Variants in MLIP observed in about 807,000 individuals in gnomAD.
MLIP encodes muscular LMNA interacting protein, also known as muscular LMNA-interacting protein.
MLIP carries 79 observed loss-of-function variants against 84.8 expected under a neutral mutation model. That is an observed-to-expected ratio of 0.93 (90% CI 0.78 to 1.12). MLIP has a LOEUF of 1.12. MLIP is among the 50% of genes most tolerant of loss of function. MLIP has a pLI of 0.00. For missense variants in MLIP, 1,257 were observed against 1,160.6 expected (o/e 1.08, Z -1.21); for synonymous variants, 504 against 463.0 (o/e 1.09, Z -1.14).
chr6:54,222,184 C>T (rs950092767), intron 11 of MLIP, among the ~76,000 whole-genome samples: 1 of 152,014 alleles, frequency 6.6e-6, no homozygotes, highest in Non-Finnish European at 1.5e-5. Context: ...TCACCTCATG[C>T]AATTAACATT....
intron 1 of MLIP, chr6:54,063,193 ACT>A (rs1469353426): frequency 1.3e-5 from 2 of 149,952 alleles, no homozygotes; most frequent in African/African-American, 5.0e-5. Context: ...CAAGAACAAA[ACT>A]CTGTCTCAGA....
At chr6:54,151,070 T>C (rs1219900029) in intron 5 of MLIP, among the ~76,000 whole-genome samples, 2 of 152,180 alleles carry the variant, frequency 1.3e-5, no homozygotes, top group Admixed American at 6.6e-5. Context: ...TGCATTATTG[T>C]ATAAGGGCTA....
At chr6:54,167,467 A>T (rs1184892313) in intron 8 of MLIP, among the ~76,000 whole-genome samples, 1 of 151,852 alleles carries the variant, frequency 6.6e-6, no homozygotes, top group Non-Finnish European at 1.5e-5. Context: ...AAAAATTTTC[A>T]GCTTAACCTT....
Position 54,066,960 on chromosome 6 carries a change from A to C in MLIP, c.63+47869A>C, listed in dbSNP as rs182299557. 2.0e-3 allele frequency among the ~76,000 whole-genome samples: 197 copies of C among 100,226 alleles called. 38 individuals carry two copies. The highest frequency in any genetic ancestry group is 4.4e-3 in the Admixed American group (48 of 10,820). The allele number at this position is 100,226 out of a possible 152,430, so 65.8% of individuals were successfully genotyped here. On this transcript the variant is annotated intron_variant, in intron 1 of 12. Transcript: ENST00000274897. ...AATTTAAACCAAAATATTCAACATGAGTGATATCCAGAGGAAAAAAAATCT... is the reference window on the plus strand; with the variant it reads ...AATTTAAACCAAAATATTCAACATGCGTGATATCCAGAGGAAAAAAAATCT...
At position 54,160,537 on chromosome 6, in the gene MLIP, A is replaced by G. The variant is rs949030539; in HGVS notation, c.2377A>G (p.Arg793Gly). 8.7e-6 allele frequency: 14 copies of G among 1,612,420 alleles called. No homozygotes were observed. In the East Asian group the frequency reaches 2.9e-4, roughly 33 times the overall value. The change falls in exon 7 of 14, where the codon AGG (arginine) becomes GGG (glycine). Residue 793 changes from arginine (R) to glycine (G), a missense_variant. Coordinates refer to ENST00000502396, the MANE Select transcript of MLIP (RefSeq NM_001281747.2). ...CCAGCTCTATTTTCCTGCACAGCTC[A>G]GGCAGCAAACTGAAGAGCTCTGTGC... ...PVELYFPAQL[R>G]QQTEELCATI...
chr6:54,158,700 G>A (rs1464622697), intron 5 of MLIP, among the ~76,000 whole-genome samples: 2 of 151,936 alleles, frequency 1.3e-5, no homozygotes, highest in Non-Finnish European at 2.9e-5. Flanking sequence ...GTATAAAGCT[G>A]AGCTCATAAA....
chr6:54,019,075 T>C (rs775590050), exon 1 of MLIP: 3 of 1,611,750 alleles, frequency 1.9e-6, no homozygotes, highest in Non-Finnish European at 2.5e-6. Flanking sequence ...AACAAGAATT[T>C]AGAGGAGAAA....
At position 54,167,178 on chromosome 6, in the gene MLIP, A is replaced by T. The variant is rs138765187; in HGVS notation, c.2500-2350A>T. Among the ~76,000 whole-genome samples the T allele has an allele frequency of 8.5e-3, 1,288 of 152,036 alleles. 19 individuals carry two copies. Among genetic ancestry groups the T allele is most frequent in the African/African-American group, 0.029 (1,201 of 41,538 alleles). The stretch of plus-strand genomic sequence containing the variant: ...ACATCAAACGCAGAAAACCTTTTAA[A>T]GCTTAGGTCAGATCATGACCCTCCT... On this transcript the variant is annotated intron_variant, in intron 8 of 13. Coordinates refer to ENST00000502396, the MANE Select transcript of MLIP (RefSeq NM_001281747.2).
intron 11 of MLIP, among the ~76,000 whole-genome samples, chr6:54,223,605 T>G (rs1396467066): frequency 6.6e-6 from 1 of 152,126 alleles, no homozygotes; most frequent in Non-Finnish European, 1.5e-5. Context: ...AGTGCCATAC[T>G]GTTTTGATTA....
chr6:54,261,306 G>T (rs1361320985), intron 13 of MLIP, among the ~76,000 whole-genome samples: 3 of 151,956 alleles, frequency 2.0e-5, no homozygotes, highest in African/African-American at 7.2e-5. Flanking sequence ...GCCCCTCTTT[G>T]TATTACCTGC....
intron 1 of MLIP, among the ~76,000 whole-genome samples, chr6:54,115,136 C>T (rs1031670871): frequency 6.6e-6 from 1 of 152,018 alleles, no homozygotes; most frequent in Non-Finnish European, 1.5e-5. Context: ...GAAAAGCCTT[C>T]TTGAGGCTCA....
intron 11 of MLIP, among the ~76,000 whole-genome samples, chr6:54,207,396 C>A (rs1779103167): frequency 6.7e-6 from 1 of 149,872 alleles, no homozygotes; most frequent in Non-Finnish European, 1.5e-5. Context: ...CACAGAATTT[C>A]CATCACCTCT....
intron 1 of MLIP, among the ~76,000 whole-genome samples, chr6:54,075,546 A>T (rs1483150879): frequency 3.3e-5 from 5 of 152,162 alleles, no homozygotes; most frequent in Non-Finnish European, 7.3e-5. Context: ...AGCACATGGC[A>T]TTTACTCCAT....
At chr6:54,070,117 T>C (rs1168907353) in intron 1 of MLIP, among the ~76,000 whole-genome samples, 1 of 152,222 alleles carries the variant, frequency 6.6e-6, no homozygotes, top group African/African-American at 2.4e-5. Flanking sequence ...TTGTTTGCTC[T>C]CTGTTGTGTT....
At chr6:54,169,428 A>C (rs556994129) in intron 8 of MLIP, 100 bp from the exon 9 acceptor site, 2 of 649,034 alleles carry the variant, frequency 3.1e-6, no homozygotes, top group East Asian at 6.4e-5. Context: ...CAATGTTTAG[A>C]AAGTCTCAAT....
rs117127927 is a variant in MLIP at position 54,162,698 on chromosome 6, G to A, written c.2499+1899G>A. ...CTCTGTTTTGAGGATAGACAACAGTGAAGGAAGAGCTGTATAGTGGCAGGC... is the reference window on the plus strand; with the variant it reads ...CTCTGTTTTGAGGATAGACAACAGTAAAGGAAGAGCTGTATAGTGGCAGGC... On this transcript the variant is annotated intron_variant, in intron 8 of 13. Transcript: ENST00000502396. Among the ~76,000 whole-genome samples, 296 of 152,102 alleles carry A rather than the reference G, an allele frequency of 1.9e-3. 3 individuals are homozygous for A. The highest frequency in any genetic ancestry group is 0.01 in the East Asian group (52 of 5,140).
intron 11 of MLIP, among the ~76,000 whole-genome samples, chr6:54,224,356 A>G (rs935624868): frequency 6.6e-6 from 1 of 152,118 alleles, no homozygotes; most frequent in African/African-American, 2.4e-5. Context: ...TAAATACTTT[A>G]TAGCAAAAAT....
At chr6:54,251,736 A>G (rs1468157295) in intron 12 of MLIP, among the ~76,000 whole-genome samples, 1 of 104,638 alleles carries the variant, frequency 9.6e-6, no homozygotes, top group African/African-American at 4.2e-5. Context: ...TATGATATAA[A>G]TATATATAAT....
chr6:54,263,424 T>C (rs1783507999), intron 13 of MLIP, among the ~76,000 whole-genome samples: 1 of 152,066 alleles, frequency 6.6e-6, no homozygotes, highest in South Asian at 2.1e-4. Flanking sequence ...CACAAAACAT[T>C]TGAAATCTTT....
Sources: allele counts gnomAD v4.1 joint callset (sites outside exome capture counted in the v4.1 genomes callset), GRCh38; gene constraint gnomAD v4.1.1; transcripts MANE v1.5; gene names NCBI Gene and HGNC (gene_info 2026-07-23, HGNC 2026-07-21).